The following KCNIP4 variants were observed in gnomAD, a reference collection of about 807,000 sequenced individuals.
KCNIP4 encodes Kv channel-interacting protein 4.
Under a neutral mutation model 34.0 loss-of-function variants are expected in KCNIP4, and 12 were observed. The observed-to-expected ratio is 0.35, with a 90% CI of 0.23 to 0.57. The LOEUF (loss-of-function observed/expected upper bound fraction) is 0.57, where lower values mean the gene tolerates loss of function less well. Ranked by LOEUF, KCNIP4 falls within the 20% of genes least tolerant of loss-of-function variation. The pLI is 0.83. For missense variants in KCNIP4, 238 were observed against 311.7 expected, an observed-to-expected ratio of 0.76 and a Z score of 1.78; for synonymous variants, 124 against 102.2, an observed-to-expected ratio of 1.21 and a Z score of -1.29.
At position 21,581,514 on chromosome 4, in the gene KCNIP4, C is replaced by G. The variant is rs953559496; in HGVS notation, c.61+367057G>C. On this transcript the variant is annotated intron_variant, in intron 1 of 8. Transcript: ENST00000382152. The stretch of plus-strand genomic sequence containing the variant: ...GTTTTAATTCTGACTTTGCCAGTCT[C>G]AAGTCTCTGTAGAATCGGGAAAAGT... Among the ~76,000 whole-genome samples the G allele has an allele frequency of 2.6e-5, 4 of 152,050 alleles. No homozygotes were observed. The South Asian group carries it at 6.2e-4, about 24-fold the overall frequency.
chr4:21,112,998 G>T (rs1749355234), intron 1 of KCNIP4, among the ~76,000 whole-genome samples: 1 of 152,084 alleles, frequency 6.6e-6, no homozygotes, highest in African/African-American at 2.4e-5. Flanking sequence ...TTAGTAGAAA[G>T]TCTTCTACAC....
chr4:21,105,303 G>A (rs1405562059), intron 1 of KCNIP4, among the ~76,000 whole-genome samples: 2 of 151,490 alleles, frequency 1.3e-5, no homozygotes, highest in Admixed American at 6.6e-5. Flanking sequence ...CCTTGAAGAG[G>A]TCCTTCACGT....
At chr4:20,866,607 A>T (rs1466043917) in intron 2 of KCNIP4, among the ~76,000 whole-genome samples, 6 of 152,092 alleles carry the variant, frequency 3.9e-5, no homozygotes, top group Non-Finnish European at 7.4e-5. Context: ...CATGACAAAG[A>T]TGCTCACTCT....
intron 1 of KCNIP4, among the ~76,000 whole-genome samples, chr4:21,688,936 C>A (rs1455896242): frequency 6.6e-6 from 1 of 151,950 alleles, no homozygotes; most frequent in Non-Finnish European, 1.5e-5. Flanking sequence ...TGCCCATTGT[C>A]CTTGCCTAAA....
Position 20,759,212 on chromosome 4 carries a change from G to A in KCNIP4, c.289-322C>T, listed in dbSNP as rs193112688. 2.4e-3 allele frequency among the ~76,000 whole-genome samples: 366 copies of A among 152,282 alleles called. 1 individual carries two copies. Among genetic ancestry groups the A allele is most frequent in the African/African-American group, 8.3e-3 (345 of 41,558 alleles). On this transcript the variant is annotated intron_variant, in intron 3 of 8. Transcript: ENST00000382152. The stretch of plus-strand genomic sequence containing the variant: ...AATTGCATTATTTTTCACACAGCAA[G>A]CATGTTGCAAGATGTTTATAATATA...
chr4:20,974,769 A>G (rs1213269767), intron 1 of KCNIP4, among the ~76,000 whole-genome samples: 2 of 152,228 alleles, frequency 1.3e-5, no homozygotes, highest in East Asian at 1.9e-4. Context: ...TATAAACCCA[A>G]TGTAGCCAAA....
rs184057291 is a variant in KCNIP4 at position 21,148,596 on chromosome 4, G to T, written c.62-265887C>A. Among the ~76,000 whole-genome samples, 122 of 151,544 alleles carry T rather than the reference G, an allele frequency of 8.1e-4. 1 individual carries two copies. Among genetic ancestry groups the T allele is most frequent in the African/African-American group, 2.8e-3 (114 of 41,310 alleles). Reference sequence around the variant, plus strand: ...ATAAGAAGTGAAATTCCACTGTCAAGATGCATTATTCATTGTTTTTCCTGT... The same window carrying T: ...ATAAGAAGTGAAATTCCACTGTCAATATGCATTATTCATTGTTTTTCCTGT... On this transcript the variant is annotated intron_variant, in intron 1 of 8. Transcript: ENST00000382152.
intron 1 of KCNIP4, among the ~76,000 whole-genome samples, chr4:21,947,906 C>G (rs1006185227): frequency 6.6e-6 from 1 of 152,246 alleles, no homozygotes; most frequent in Non-Finnish European, 1.5e-5. Flanking sequence ...AAACATTTCT[C>G]CCTGCTTTCG....
At chr4:20,980,623 C>T (rs140216643) in intron 1 of KCNIP4, among the ~76,000 whole-genome samples, 1 of 151,984 alleles carries the variant, frequency 6.6e-6, no homozygotes, top group East Asian at 1.9e-4. Flanking sequence ...TTAATATGGG[C>T]CCTCTCATTC....
intron 1 of KCNIP4, among the ~76,000 whole-genome samples, chr4:21,364,295 T>C (rs1719507460): frequency 1.3e-5 from 2 of 152,166 alleles, no homozygotes; most frequent in African/African-American, 4.8e-5. Flanking sequence ...CAGATATTTA[T>C]TGAAAGCCTG....
chr4:21,545,919 A>T lies in KCNIP4; in HGVS notation c.61+402652T>A, dbSNP rs750766385. On this transcript the variant is annotated intron_variant, in intron 1 of 8. Transcript: ENST00000382152. ...TACCCAGTAATGGGATTGCTGGGTCAAATGGTATTTCTAGTTCTAGATCCT... is the reference window on the plus strand; with the variant it reads ...TACCCAGTAATGGGATTGCTGGGTCTAATGGTATTTCTAGTTCTAGATCCT... Among the ~76,000 whole-genome samples, 54 of 152,260 alleles carry T rather than the reference A, an allele frequency of 3.5e-4. 1 individual carries two copies. Among genetic ancestry groups the T allele is most frequent in the Middle Eastern group, 6.8e-3 (2 of 294 alleles).
intron 1 of KCNIP4, among the ~76,000 whole-genome samples, chr4:21,440,244 G>C: frequency 6.6e-6 from 1 of 152,212 alleles, no homozygotes; most frequent in East Asian, 1.9e-4. Flanking sequence ...ATTTGAAATT[G>C]TCAAGTGAGT....
chr4:21,072,095 A>G (rs1026552044), intron 1 of KCNIP4, among the ~76,000 whole-genome samples: 5 of 152,210 alleles, frequency 3.3e-5, no homozygotes, highest in Non-Finnish European at 5.9e-5. Flanking sequence ...TAGTGCCGCA[A>G]TAAACATATG....
chr4:21,685,547 G>T (rs1362120401), intron 1 of KCNIP4, among the ~76,000 whole-genome samples: 1 of 152,152 alleles, frequency 6.6e-6, no homozygotes, highest in African/African-American at 2.4e-5. Flanking sequence ...TGTGCTTGTG[G>T]AATGGGAGAG....
chr4:21,627,969 G>A (rs528364651), intron 1 of KCNIP4, among the ~76,000 whole-genome samples: 7 of 152,120 alleles, frequency 4.6e-5, no homozygotes, highest in Non-Finnish European at 1.0e-4. Context: ...GATCCAAAGG[G>A]AGGTAATATG....
At chr4:21,192,939 A>G (rs1461565172) in intron 1 of KCNIP4, among the ~76,000 whole-genome samples, 1 of 145,008 alleles carries the variant, frequency 6.9e-6, no homozygotes, top group Non-Finnish European at 1.5e-5. Context: ...TACTACTACT[A>G]CTACTACTAC....
intron 1 of KCNIP4, among the ~76,000 whole-genome samples, chr4:21,677,513 C>T (rs1213839902): frequency 6.6e-6 from 1 of 152,156 alleles, no homozygotes. Flanking sequence ...TGCCAGTTCC[C>T]TGCAGCCATC....
intron 1 of KCNIP4, chr4:21,718,697 T>C (rs1162635788): frequency 6.6e-6 from 1 of 152,202 alleles, no homozygotes; most frequent in Non-Finnish European, 1.5e-5. Context: ...CTTGCGTGGA[T>C]AGCTTCATGA....
At chr4:21,666,728 AT>A (rs1748988824) in intron 1 of KCNIP4, among the ~76,000 whole-genome samples, 1 of 152,312 alleles carries the variant, frequency 6.6e-6, no homozygotes, top group Admixed American at 6.5e-5. Flanking sequence ...TGAAAAAAAA[AT>A]GCCAAAGCTG....
Sources: allele counts gnomAD v4.1 joint callset (sites outside exome capture counted in the v4.1 genomes callset), GRCh38; gene constraint gnomAD v4.1.1; transcripts MANE v1.5; gene names NCBI Gene and HGNC (gene_info 2026-07-23, HGNC 2026-07-21).